CDH10: variants seen among roughly 807,000 people sequenced by gnomAD.
CDH10 encodes the protein cadherin 10, also known as cadherin-10.
Under a neutral mutation model 73.1 loss-of-function variants are expected in CDH10, and 30 were observed. That is an observed-to-expected ratio of 0.41 (90% CI 0.31 to 0.56). The LOEUF (loss-of-function observed/expected upper bound fraction) is 0.56. Among genes scored for constraint, CDH10 ranks in the 20% least tolerant of loss-of-function variants. The pLI is 0.27. For missense variants in CDH10, 815 were observed against 973.7 expected, an observed-to-expected ratio of 0.84 and a Z score of 2.17; for synonymous variants, 345 against 348.2, an observed-to-expected ratio of 0.99 and a Z score of 0.10.
chr5:24,589,682 C>G (rs1347501843), intron 2 of CDH10, among the ~76,000 whole-genome samples: 1 of 151,904 alleles, frequency 6.6e-6, no homozygotes, highest in Non-Finnish European at 1.5e-5. Context: ...CAAGGCTTTA[C>G]AGTTTAATAT....
intron 2 of CDH10, among the ~76,000 whole-genome samples, chr5:24,552,292 G>A (rs938636994): frequency 7.9e-5 from 12 of 151,820 alleles, no homozygotes; most frequent in African/African-American, 2.9e-4. Context: ...CTTTTTATGG[G>A]AATAATCACT....
At chr5:24,625,591 G>C (rs1366418838) in intron 1 of CDH10, among the ~76,000 whole-genome samples, 1 of 146,560 alleles carries the variant, frequency 6.8e-6, no homozygotes, top group African/African-American at 2.5e-5. Flanking sequence ...TCATATATAT[G>C]AATATATATG....
chr5:24,628,845 GACACACAC>G (rs71698746), intron 1 of CDH10, among the ~76,000 whole-genome samples: 18 of 127,284 alleles, frequency 1.4e-4, no homozygotes, highest in South Asian at 8.4e-4. Context: ...TCCCCACCTT[GACACACAC>G]ACACACACAC....
chr5:24,542,338 T>C (rs1469498324), intron 2 of CDH10, among the ~76,000 whole-genome samples: 2 of 152,190 alleles, frequency 1.3e-5, no homozygotes, highest in Non-Finnish European at 2.9e-5. Context: ...ATGTGCCACA[T>C]GAAAACATTT....
chr5:24,524,088 T>C (rs916971330), intron 5 of CDH10, among the ~76,000 whole-genome samples: 1 of 152,284 alleles, frequency 6.6e-6, no homozygotes, highest in Middle Eastern at 3.4e-3. Flanking sequence ...CAGTAATTAA[T>C]TCATTCAACA....
At chr5:24,599,929 T>C (rs1381178933) in intron 1 of CDH10, among the ~76,000 whole-genome samples, 1 of 152,080 alleles carries the variant, frequency 6.6e-6, no homozygotes, top group Non-Finnish European at 1.5e-5. Flanking sequence ...GTAGTCCCAT[T>C]TTATAAAAAA....
chr5:24,575,593 C>T (rs541558122), intron 2 of CDH10, among the ~76,000 whole-genome samples: 1 of 152,156 alleles, frequency 6.6e-6, no homozygotes, highest in Non-Finnish European at 1.5e-5. Context: ...AGCATTTCCT[C>T]AGCATCTAAC....
intron 1 of CDH10, among the ~76,000 whole-genome samples, chr5:24,603,653 T>C (rs1746650104): frequency 6.6e-6 from 1 of 152,062 alleles, no homozygotes; most frequent in African/African-American, 2.4e-5. Flanking sequence ...AAAGTATGAC[T>C]GAAACTAACT....
intron 2 of CDH10, among the ~76,000 whole-genome samples, chr5:24,543,000 T>G (rs886480261): frequency 6.6e-6 from 1 of 152,168 alleles, no homozygotes; most frequent in African/African-American, 2.4e-5. Context: ...ACTCTTAATA[T>G]CGATTCATTT....
At chr5:24,610,026 C>T (rs1746892160) in intron 1 of CDH10, 1 of 152,196 alleles carries the variant, frequency 6.6e-6, no homozygotes, top group South Asian at 2.1e-4. Context: ...GTCACTCCCT[C>T]GCATATGGCA....
At chr5:24,579,904 G>T (rs1427985327) in intron 2 of CDH10, among the ~76,000 whole-genome samples, 1 of 152,068 alleles carries the variant, frequency 6.6e-6, no homozygotes, top group South Asian at 2.1e-4. Context: ...TTACTGCTAA[G>T]AGGTTCCAAT....
intron 1 of CDH10, among the ~76,000 whole-genome samples, chr5:24,634,323 T>C (rs560575145): frequency 6.6e-4 from 101 of 151,928 alleles, no homozygotes; most frequent in African/African-American, 2.4e-3. Context: ...GATTAAAGAA[T>C]GTGAAACTTA....
intron 11 of CDH10, among the ~76,000 whole-genome samples, chr5:24,489,368 T>C (rs1741964568): frequency 6.6e-6 from 1 of 152,152 alleles, no homozygotes. Flanking sequence ...AAGAAAGTTT[T>C]AGCTATTGAT....
intron 8 of CDH10, among the ~76,000 whole-genome samples, chr5:24,499,742 A>T (rs1742423449): frequency 6.6e-6 from 1 of 152,144 alleles, no homozygotes; most frequent in Non-Finnish European, 1.5e-5. Context: ...AATTAATAAA[A>T]ATATAAATAC....
intron 2 of CDH10, 45 bp downstream of exon 2, chr5:24,593,211 AATAT>A (rs773414099): frequency 9.7e-7 from 1 of 1,030,112 alleles, no homozygotes; most frequent in South Asian, 1.4e-5. Context: ...TCATCAGTAA[AATAT>A]ATAAAGAGCA....
intron 2 of CDH10, among the ~76,000 whole-genome samples, chr5:24,584,938 C>T (rs1030615408): frequency 4.6e-5 from 7 of 151,530 alleles, no homozygotes; most frequent in Admixed American, 1.3e-4. Context: ...CCTCAAACTC[C>T]GAGGCTCAGG....
At chr5:24,618,691 T>C (rs1055091614) in intron 1 of CDH10, among the ~76,000 whole-genome samples, 1 of 152,212 alleles carries the variant, frequency 6.6e-6, no homozygotes, top group Non-Finnish European at 1.5e-5. Context: ...AGTTATATTG[T>C]GTAATTATCT....
chr5:24,563,342 G>A (rs1408668101), intron 2 of CDH10, among the ~76,000 whole-genome samples: 1 of 128,654 alleles, frequency 7.8e-6, no homozygotes, highest in African/African-American at 3.6e-5. Flanking sequence ...TGACAGGTGC[G>A]TTTCCACTTA....
chr5:24,545,923 C>T (rs1203425566), intron 2 of CDH10, among the ~76,000 whole-genome samples: 3 of 152,106 alleles, frequency 2.0e-5, no homozygotes, highest in Admixed American at 6.6e-5. Context: ...GGAGACTTTG[C>T]TACAGAGACA....
Sources: gnomAD v4.1 joint callset for allele counts (sites outside exome capture counted in the v4.1 genomes callset) on GRCh38, gnomAD v4.1.1 for gene constraint, MANE v1.5 for transcripts, NCBI Gene and HGNC (gene_info 2026-07-23, HGNC 2026-07-21) for gene names.